The following SEC16A variants were observed in gnomAD, a reference collection of about 807,000 sequenced individuals.
SEC16A encodes protein transport protein Sec16A.
SEC16A carries 110 observed loss-of-function variants against 221.9 expected under a neutral mutation model. The observed-to-expected ratio is 0.50, with a 90% CI of 0.42 to 0.58. The LOEUF is 0.58. Ranked by LOEUF, SEC16A falls within the 20% of genes least tolerant of loss-of-function variation. SEC16A has a pLI of 0.00. For synonymous variants in SEC16A, 1,393 were observed against 1,257.7 expected, an observed-to-expected ratio of 1.11 and a Z score of -2.28; for missense variants, 3,165 against 3,097.8, an observed-to-expected ratio of 1.02 and a Z score of -0.52.
rs1436906969 is a variant in SEC16A, at chr9:136,482,986, C to A, written c.-240G>T. 7 of 985,366 alleles carry A rather than the reference C, an allele frequency of 7.1e-6. No homozygotes were observed. The East Asian group carries it at 3.4e-4, about 48-fold the overall frequency. 61.0% of individuals were successfully genotyped at this position (985,366 alleles called of 1,614,324 possible). A position where few individuals can be genotyped will look rare whatever the true frequency, so the allele number is the denominator to read the frequency against. Reference sequence around the variant, plus strand: ...CAGGAGCCGCGGGCGAAAGCCCACCCGACGCTGGCGACGAGCACAGACACC... The same window carrying A: ...CAGGAGCCGCGGGCGAAAGCCCACCAGACGCTGGCGACGAGCACAGACACC... On this transcript the variant is annotated 5_prime_UTR_variant, in exon 1 of 32. Coordinates refer to ENST00000684901, the MANE Select transcript of SEC16A (RefSeq NM_014866.2).
chr9:136,468,564 G>C, intron 4 of SEC16A, 52 bp from the exon 5 acceptor site: 1 of 1,174,416 alleles, frequency 8.5e-7, no homozygotes. Context: ...TTCTTAAAGT[G>C]TGACATCAGC....
intron 29 of SEC16A, 148 bp downstream of exon 29, chr9:136,445,496 TC>T: frequency 1.5e-6 from 1 of 661,520 alleles, no homozygotes; most frequent in Non-Finnish European, 2.6e-6. Context: ...CAATTTTTTT[TC>T]CCCCAGGAAC....
chr9:136,451,522 A>C (rs1411288455), intron 22 of SEC16A, 114 bp from the exon 23 acceptor site: 1 of 1,248,372 alleles, frequency 8.0e-7, no homozygotes, highest in Non-Finnish European at 1.1e-6. Context: ...GAGAGGCCGG[A>C]TGACTCTGGT....
rs759141167 is a variant in SEC16A, at chr9:136,474,252, C to A, written c.3364G>T (p.Val1122Leu). Residue 1122 changes from valine to leucine, a missense_variant, in exon 3 of 32, where the codon GTG becomes TTG. Val to Leu is a conservative substitution (Grantham distance 32, BLOSUM62 1). This residue lies in a region of SEC16A where 2,030 missense variants were observed against 1,923.1 expected (regional missense o/e 1.06). Coordinates refer to ENST00000684901, the MANE Select transcript of SEC16A (RefSeq NM_014866.2). ...LPPRPPQSSS[V>L]SLVSSGSGQA... ...CCGGAGCCACTGGACACCAGAGACA[C>A]GCTAGAGGACTGAGGAGGCCGAGGG... is the stretch of plus-strand genomic sequence containing the variant. The A allele has an allele frequency of 1.2e-6, 2 of 1,608,564 alleles. No individual in the cohort carries two copies. The highest frequency in any genetic ancestry group is 1.1e-5 in the South Asian group (1 of 90,590).
At chr9:136,468,394 G>A (rs1216809869) in intron 5 of SEC16A, 21 bp downstream of exon 5, 1 of 1,534,560 alleles carries the variant, frequency 6.5e-7, no homozygotes, top group Non-Finnish European at 9.0e-7. Flanking sequence ...AAGGCCAGCT[G>A]CTTGGAGTTC....
intron 9 of SEC16A, among the ~76,000 whole-genome samples, chr9:136,464,010 G>A (rs1839836128): frequency 6.6e-6 from 1 of 152,244 alleles, no homozygotes; most frequent in African/African-American, 2.4e-5. Flanking sequence ...TGTGACAGAA[G>A]CCTGCAGAAG....
At chr9:136,445,174 A>C (rs1008751231) in intron 29 of SEC16A, 63 bp from the exon 30 acceptor site, 183 of 1,394,360 alleles carry the variant, frequency 1.3e-4, no homozygotes, top group Middle Eastern at 1.2e-3. Flanking sequence ...TCACTGTCCA[A>C]TCCAAGCTGT....
rs2132150415 is a variant in SEC16A, at chr9:136,455,800, G to A, written c.5665-7C>T. 1 of 1,590,860 alleles carries A rather than the reference G, an allele frequency of 6.3e-7. No individual in the cohort carries two copies. The stretch of plus-strand genomic sequence containing the variant: ...GCCATACTCCAGCCCCCTCCTGAGG[G>A]AGAACAAGACCTGCCCTGTGGAAGC... On this transcript the variant is annotated splice_region_variant and splice_polypyrimidine_tract_variant and intron_variant, in intron 19 of 31. Coordinates refer to ENST00000684901, the MANE Select transcript of SEC16A (RefSeq NM_014866.2).
chr9:136,465,874 C>T, intron 8 of SEC16A, 88 bp downstream of exon 8: 2 of 1,373,828 alleles, frequency 1.5e-6, no homozygotes, highest in Non-Finnish European at 2.0e-6. Context: ...AATTCCAATC[C>T]CAGCCCTGAC....
At chr9:136,453,357 A>G (rs1380329199) in intron 22 of SEC16A, 71 bp downstream of exon 22, 9 of 1,113,728 alleles carry the variant, frequency 8.1e-6, no homozygotes, top group Non-Finnish European at 1.2e-5. Context: ...TTACAACTCA[A>G]CAAGGAGTCT....
Position 136,454,330 on chromosome 9 carries a change from G to C in SEC16A, c.5858-3C>G. Reference sequence around the variant, plus strand: ...GCCGTCAGGGAGCGTCTGCGGAGCTGCATGGGAACGGTGGAGAAGAGGTCT... The same window carrying C: ...GCCGTCAGGGAGCGTCTGCGGAGCTCCATGGGAACGGTGGAGAAGAGGTCT... On this transcript the variant is annotated splice_region_variant and splice_polypyrimidine_tract_variant and intron_variant, in intron 20 of 31. Transcript: ENST00000684901. 1 of 1,566,832 alleles carries C rather than the reference G, an allele frequency of 6.4e-7. No individual in the cohort carries two copies. Among genetic ancestry groups the C allele is most frequent in the South Asian group, 1.2e-5 (1 of 85,118 alleles).
upstream of SEC16A, chr9:136,484,363 C>G (rs1842750381): frequency 8.7e-7 from 1 of 1,150,654 alleles, no homozygotes; most frequent in Non-Finnish European, 1.1e-6. Context: ...CGCGGAAGAT[C>G]GCAGGGAACA....
At chr9:136,451,558 T>G (rs1166286746) in intron 22 of SEC16A, 150 bp from the exon 23 acceptor site, 2 of 918,216 alleles carry the variant, frequency 2.2e-6, no homozygotes, top group African/African-American at 3.4e-5. Context: ...GGAAGGGGGC[T>G]GGGGAGAGCA....
rs758026727 is a variant in SEC16A, at chr9:136,464,407, C to A, written c.4446+13G>T. On this transcript the variant is annotated intron_variant, in intron 9 of 31. Coordinates refer to ENST00000684901, the MANE Select transcript of SEC16A (RefSeq NM_014866.2). ...GCAGAGCAGTGACGCCACGCTTCTG[C>A]GTGTGCCATTACCTCCATGCTGTGG... The A allele has an allele frequency of 1.3e-6, 2 of 1,591,828 alleles. No individual in the cohort carries two copies. The highest frequency in any genetic ancestry group is 1.7e-5 in the Admixed American group (1 of 58,656).
chr9:136,483,041 G>C, upstream of SEC16A: 1 of 984,886 alleles, frequency 1.0e-6, no homozygotes, highest in Non-Finnish European at 1.2e-6. Flanking sequence ...TGGCACATCC[G>C]GCTCGGGTCT....
chr9:136,445,002 G>A (rs1183462052), intron 30 of SEC16A, 50 bp downstream of exon 30: 4 of 1,541,568 alleles, frequency 2.6e-6, no homozygotes, highest in East Asian at 2.3e-5. Context: ...CAGGAACACA[G>A]GCGGCACACG....
Position 136,474,508 on chromosome 9 carries a change from G to A in SEC16A, c.3108C>T (p.Asn1036=), listed in dbSNP as rs1349487956. The A allele has an allele frequency of 6.2e-7, 1 of 1,613,018 alleles. No homozygotes were observed. Among genetic ancestry groups the A allele is most frequent in the Non-Finnish European group, 8.5e-7 (1 of 1,179,850 alleles). ...TGACCTGCTGATAAAAACGGTCAAG[G>A]TTAGGCGCCCCAGGCCCAGATTGTC... ...HPRQSGPGAP[N]LDRFYQQVTK... is the part of the protein sequence containing the mutation. The change falls in exon 3 of 32, where the codon AAC becomes AAT. Residue 1036 remains asparagine, a synonymous_variant. Coordinates refer to ENST00000684901, the MANE Select transcript of SEC16A (RefSeq NM_014866.2).
rs1841242920 is a variant in SEC16A at position 136,473,915 on chromosome 9, T to TTC, written c.3567+132_3567+133dup. On this transcript the variant is annotated intron_variant, in intron 3 of 31. Transcript: ENST00000684901. ...CTCAGGAAGCGTTACTGGAATACTG[T>TTC]TCTCACGCCTGCGGGACTGTGGGTG... 10 of 955,674 alleles carry TTC rather than the reference T, an allele frequency of 1.0e-5. No individual in the cohort carries two copies. In the South Asian group the frequency reaches 1.4e-4, roughly 13 times the overall value. 59.2% of individuals were successfully genotyped at this position (955,674 alleles called of 1,614,324 possible).
intron 21 of SEC16A, among the ~76,000 whole-genome samples, chr9:136,453,813 A>G (rs73670273): frequency 0.021 from 3,197 of 152,368 alleles, 50 homozygotes; most frequent in Middle Eastern, 0.051. Flanking sequence ...CCAGGCGTCC[A>G]GCAGGGCCGT....
Sources: allele counts gnomAD v4.1 joint callset (sites outside exome capture counted in the v4.1 genomes callset), GRCh38; gene constraint gnomAD v4.1.1; regional missense constraint gnomAD v4.1.1; transcripts MANE v1.5; gene names NCBI Gene and HGNC (gene_info 2026-07-23, HGNC 2026-07-21).